ESYT3: variants seen among roughly 807,000 people sequenced by gnomAD.
The protein encoded by ESYT3 is extended synaptotagmin-3.
In ESYT3, 101 loss-of-function variants were observed where a neutral mutation model predicts 111.5. The observed-to-expected ratio is 0.91, with a 90% confidence interval of 0.77 to 1.07. The LOEUF (loss-of-function observed/expected upper bound fraction) is 1.07, where lower values mean the gene tolerates loss of function less well. Among genes scored for constraint, ESYT3 ranks in the 50% least tolerant of loss-of-function variants. The pLI is 0.00. For missense variants in ESYT3, 1,097 were observed against 1,109.4 expected (o/e 0.99, Z 0.16); for synonymous variants, 416 against 446.8 (o/e 0.93, Z 0.87).
At chr3:138,438,613 G>C (rs2030906106) in intron 1 of ESYT3, among the ~76,000 whole-genome samples, 1 of 152,138 alleles carries the variant, frequency 6.6e-6, no homozygotes, top group African/African-American at 2.4e-5. Context: ...TCAACATTTT[G>C]CTCCAAGATG....
chr3:138,464,947 C>T (rs1374438358), intron 9 of ESYT3, among the ~76,000 whole-genome samples: 1 of 152,180 alleles, frequency 6.6e-6, no homozygotes, highest in Admixed American at 6.5e-5. Context: ...TCAACTTCTC[C>T]TCTCAATATA....
At chr3:138,473,105 T>TA (rs2033316940) in intron 18 of ESYT3, 1 of 1,393,892 alleles carries the variant, frequency 7.2e-7, no homozygotes, top group South Asian at 1.7e-5. Context: ...TAAGGTCCCT[T>TA]CCAGCAGAAC....
intron 1 of ESYT3, among the ~76,000 whole-genome samples, chr3:138,436,161 A>G (rs187419571): frequency 4.6e-4 from 70 of 152,346 alleles, no homozygotes; most frequent in African/African-American, 1.7e-3. Context: ...GTCTTACTGT[A>G]TCAGTCAGCC....
chr3:138,459,205 G>A lies in ESYT3; in HGVS notation c.600G>A (p.Glu200=). The change falls in exon 5 of 23, where the codon GAG becomes GAA. Residue 200 remains glutamate (E), a synonymous_variant. Coordinates refer to ENST00000389567, the MANE Select transcript of ESYT3 (RefSeq NM_031913.5). The stretch of plus-strand genomic sequence containing the variant: ...ATTTCAGCTACATCGGGGACTGTGA[G>A]ATCAGTGTGGAGCTGCAGAAGATTC... ...DLQICYIGDC[E]ISVELQKIQA... 1.3e-6 allele frequency: 2 copies of A among 1,540,202 alleles called. No homozygotes were observed. The highest frequency in any genetic ancestry group is 1.2e-5 in the South Asian group (1 of 80,548).
At chr3:138,464,789 T>A (rs986260751) in intron 9 of ESYT3, among the ~76,000 whole-genome samples, 6 of 152,208 alleles carry the variant, frequency 3.9e-5, no homozygotes, top group African/African-American at 1.4e-4. Flanking sequence ...TCCACTCTTC[T>A]CAGCTTCCCC....
chr3:138,461,232 C>G (rs111927249), intron 7 of ESYT3, among the ~76,000 whole-genome samples: 60 of 152,298 alleles, frequency 3.9e-4, no homozygotes, highest in African/African-American at 1.4e-3. Flanking sequence ...CCTTCCAAAC[C>G]AAGTGTGTGG....
rs903026155 is a variant in ESYT3 at position 138,469,010 on chromosome 3, G to C, written c.1434+129G>C. The C allele has an allele frequency of 9.1e-6, 9 of 990,466 alleles. No homozygotes were observed. In the African/African-American group the frequency reaches 1.3e-4, roughly 14 times the overall value. 61.4% of individuals were successfully genotyped at this position (990,466 alleles called of 1,614,324 possible). On this transcript the variant is annotated intron_variant, in intron 14 of 22. Coordinates refer to ENST00000389567, the MANE Select transcript of ESYT3 (RefSeq NM_031913.5). ...CAGCCTGGGGATAACAAGAGGTGCT[G>C]ATTGTGGAGTCTACTGTGTGCCAGG... is the stretch of plus-strand genomic sequence containing the variant.
intron 1 of ESYT3, 36 bp from the exon 2 acceptor site, chr3:138,452,012 T>C (rs754399015): frequency 7.4e-6 from 12 of 1,612,780 alleles, no homozygotes; most frequent in Non-Finnish European, 9.3e-6. Flanking sequence ...GGTGTGCGGC[T>C]TCTAGTCTAA....
Position 138,435,669 on chromosome 3 carries a change from C to T in ESYT3, c.327+544C>T, listed in dbSNP as rs2030613299. On this transcript the variant is annotated intron_variant, in intron 1 of 22. Coordinates refer to ENST00000389567, the MANE Select transcript of ESYT3 (RefSeq NM_031913.5). The surrounding 1 kb of genome is among the most constrained non-coding windows in gnomAD (Gnocchi z 4.8). ...CTGGGAGACCGACGGCGCCGGGCCC[C>T]GGGCCTCCTTCCCTCCCTCCCTCCG... Among the ~76,000 whole-genome samples the T allele has an allele frequency of 6.6e-6, 1 of 151,474 alleles. No homozygotes were observed. Among genetic ancestry groups the T allele is most frequent in the Admixed American group, 6.6e-5 (1 of 15,246 alleles).
At chr3:138,437,625 A>AGG (rs2030817314) in intron 1 of ESYT3, among the ~76,000 whole-genome samples, 1 of 152,192 alleles carries the variant, frequency 6.6e-6, no homozygotes, top group South Asian at 2.1e-4. Context: ...GAAGGCTGGA[A>AGG]GGAGCCTTGG....
rs543616099 is a variant in ESYT3 at position 138,439,857 on chromosome 3, T to A, written c.327+4732T>A. Among the ~76,000 whole-genome samples the A allele has an allele frequency of 2.6e-5, 4 of 152,322 alleles. No individual in the cohort carries two copies. The South Asian group carries it at 8.3e-4, about 32-fold the overall frequency. On this transcript the variant is annotated intron_variant, in intron 1 of 22. Transcript: ENST00000389567. Reference sequence around the variant, plus strand: ...CTGTGGTTTCTAGCCAGGCTGGCTCTCCTTTCAGCTGGTAGCCATCAGTTA... The same window carrying A: ...CTGTGGTTTCTAGCCAGGCTGGCTCACCTTTCAGCTGGTAGCCATCAGTTA...
At chr3:138,439,406 A>G (rs1005866791) in intron 1 of ESYT3, among the ~76,000 whole-genome samples, 1 of 152,070 alleles carries the variant, frequency 6.6e-6, no homozygotes, top group Non-Finnish European at 1.5e-5. Flanking sequence ...GGGTTCTCGG[A>G]GTCCCGGCTG....
rs2033135366 is a variant in ESYT3, at chr3:138,470,008, C to T, written c.1504-52C>T. The T allele has an allele frequency of 3.3e-6, 5 of 1,522,340 alleles. No homozygotes were observed. The South Asian group carries it at 4.6e-5, about 14-fold the overall frequency. 94.3% of individuals were successfully genotyped at this position (1,522,340 alleles called of 1,614,324 possible). On this transcript the variant is annotated intron_variant, in intron 15 of 22. Coordinates refer to ENST00000389567, the MANE Select transcript of ESYT3 (RefSeq NM_031913.5). ...GAGTGATAGCAGAGGGTGCCGGTAT[C>T]CAGCTCTGCCCAACCTAACCCTTCA... is the stretch of plus-strand genomic sequence containing the variant.
At chr3:138,448,206 G>T (rs146844387) in intron 1 of ESYT3, among the ~76,000 whole-genome samples, 2,516 of 146,472 alleles carry the variant, frequency 0.017, 63 homozygotes, top group African/African-American at 0.059. Context: ...GGTGGAGGTT[G>T]CAGTGAGCCG....
At chr3:138,455,631 A>G (rs945858800) in intron 3 of ESYT3, among the ~76,000 whole-genome samples, 1 of 152,230 alleles carries the variant, frequency 6.6e-6, no homozygotes, top group Admixed American at 6.5e-5. Context: ...AAGACACGCC[A>G]TGGTGGTAGC....
chr3:138,458,346 G>A (rs868150423), intron 4 of ESYT3, among the ~76,000 whole-genome samples: 2 of 152,212 alleles, frequency 1.3e-5, no homozygotes, highest in Non-Finnish European at 2.9e-5. Flanking sequence ...CAGGCTATCA[G>A]GTGCTCCCAG....
chr3:138,473,156 A>C, intron 18 of ESYT3: 1 of 1,305,538 alleles, frequency 7.7e-7, no homozygotes, highest in Non-Finnish European at 9.7e-7. Flanking sequence ...CTTAATATGT[A>C]GAATTATGTA....
intron 1 of ESYT3, among the ~76,000 whole-genome samples, chr3:138,439,337 G>A (rs112258396): frequency 0.036 from 5,542 of 152,156 alleles, 325 homozygotes; most frequent in African/African-American, 0.13. Flanking sequence ...TGGAAGGGAC[G>A]CGCAGAGCAC....
chr3:138,464,340 T>A lies in ESYT3; in HGVS notation c.916-5T>A, dbSNP rs373689259. 13 of 1,613,724 alleles carry A rather than the reference T, an allele frequency of 8.1e-6. No individual in the cohort carries two copies. The highest frequency in any genetic ancestry group is 1.3e-5 in the African/African-American group (1 of 74,928). Reference sequence around the variant, plus strand: ...CTGTGAGCCCTGGGCTTGGACATTTTCCAGGGGGTGATCAGAGTGCACTTG... The same window carrying A: ...CTGTGAGCCCTGGGCTTGGACATTTACCAGGGGGTGATCAGAGTGCACTTG... On this transcript the variant is annotated splice_region_variant and splice_polypyrimidine_tract_variant and intron_variant, in intron 8 of 22. Coordinates refer to ENST00000389567, the MANE Select transcript of ESYT3 (RefSeq NM_031913.5).
Sources: gnomAD v4.1 joint callset for allele counts (sites outside exome capture counted in the v4.1 genomes callset) on GRCh38, gnomAD v4.1.1 for gene constraint, Gnocchi (gnomAD v3.1) non-coding constraint, MANE v1.5 for transcripts, NCBI Gene and HGNC (gene_info 2026-07-23, HGNC 2026-07-21) for gene names.